The following ZCCHC7 variants were observed in gnomAD, a reference collection of about 807,000 sequenced individuals.
ZCCHC7 encodes the protein zinc finger CCHC domain-containing protein 7.
Under a neutral mutation model 52.0 loss-of-function variants are expected in ZCCHC7, and 35 were observed. That is an observed-to-expected ratio of 0.67 (90% CI 0.51 to 0.89). The LOEUF is 0.89. ZCCHC7 is among the 40% of genes least tolerant of loss of function. The pLI is 0.00. For missense variants in ZCCHC7, 574 were observed against 649.1 expected (o/e 0.88, Z 1.26); for synonymous variants, 217 against 221.5 (o/e 0.98, Z 0.18).
At chr9:37,258,301 A>C (rs979500840) in intron 2 of ZCCHC7, among the ~76,000 whole-genome samples, 3 of 152,156 alleles carry the variant, frequency 2.0e-5, no homozygotes, top group African/African-American at 7.2e-5. Context: ...TAAAGAGAAC[A>C]TGTGAGATAA....
At chr9:37,320,430 C>T (rs1830005065) in intron 5 of ZCCHC7, among the ~76,000 whole-genome samples, 1 of 152,130 alleles carries the variant, frequency 6.6e-6, no homozygotes, top group Admixed American at 6.5e-5. Flanking sequence ...TCCTTTCCCC[C>T]TTCATGTAAA....
chr9:37,329,068 A>G (rs2118203281), intron 6 of ZCCHC7, among the ~76,000 whole-genome samples: 1 of 152,042 alleles, frequency 6.6e-6, no homozygotes, highest in East Asian at 1.9e-4. Flanking sequence ...TGAAATCATT[A>G]CAGCCTAAAC....
At chr9:37,141,601 T>C (rs1394828218) in intron 2 of ZCCHC7, among the ~76,000 whole-genome samples, 1 of 151,946 alleles carries the variant, frequency 6.6e-6, no homozygotes, top group Non-Finnish European at 1.5e-5. Flanking sequence ...TATTTTATAG[T>C]GTAACCAAGT....
chr9:37,275,510 ATTG>A (rs1024148830), intron 2 of ZCCHC7, among the ~76,000 whole-genome samples: 1 of 151,998 alleles, frequency 6.6e-6, no homozygotes, highest in Non-Finnish European at 1.5e-5. Context: ...CATTTTGGCT[ATTG>A]TTAACCAGTG....
At chr9:37,174,381 G>A (rs976858646) in intron 2 of ZCCHC7, among the ~76,000 whole-genome samples, 30 of 152,108 alleles carry the variant, frequency 2.0e-4, no homozygotes, top group Non-Finnish European at 4.0e-4. Flanking sequence ...TATCAATACC[G>A]TGTGAGTGCA....
chr9:37,147,463 T>G (rs1208495577), intron 2 of ZCCHC7: 2 of 151,870 alleles, frequency 1.3e-5, no homozygotes, highest in Admixed American at 6.6e-5. Context: ...TATCTTATTA[T>G]TCCATAAAAT....
At chr9:37,303,479 C>T (rs1438902589) in intron 3 of ZCCHC7, among the ~76,000 whole-genome samples, 1 of 150,998 alleles carries the variant, frequency 6.6e-6, no homozygotes, top group Non-Finnish European at 1.5e-5. Context: ...TGACTGAATG[C>T]TACCGCGGTG....
intron 3 of ZCCHC7, 98 bp from the exon 4 acceptor site, chr9:37,304,090 A>G (rs1477777409): frequency 2.5e-6 from 3 of 1,190,402 alleles, no homozygotes; most frequent in South Asian, 3.0e-5. Flanking sequence ...AGCTTGATGT[A>G]TCTTTATTTG....
chr9:37,164,419 G>C (rs967748560), intron 2 of ZCCHC7, among the ~76,000 whole-genome samples: 1 of 151,298 alleles, frequency 6.6e-6, no homozygotes, highest in Non-Finnish European at 1.5e-5. Context: ...CACTCCAGCC[G>C]GGGTGACGGA....
chr9:37,325,182 C>T (rs531978124), intron 5 of ZCCHC7, among the ~76,000 whole-genome samples: 1 of 152,244 alleles, frequency 6.6e-6, no homozygotes, highest in African/African-American at 2.4e-5. Flanking sequence ...ACTAGTTGGG[C>T]AGAAGTTGGC....
intron 2 of ZCCHC7, among the ~76,000 whole-genome samples, chr9:37,231,597 C>G (rs1297300671): frequency 1.3e-5 from 2 of 152,052 alleles, no homozygotes; most frequent in Non-Finnish European, 2.9e-5. Flanking sequence ...TAATGAAAAC[C>G]AAACCTTTAT....
intron 2 of ZCCHC7, among the ~76,000 whole-genome samples, chr9:37,185,081 C>T (rs1307726543): frequency 1.3e-5 from 2 of 152,016 alleles, no homozygotes; most frequent in Admixed American, 6.6e-5. Context: ...ACCCGTACTT[C>T]GAAACTAAAC....
intron 5 of ZCCHC7, among the ~76,000 whole-genome samples, chr9:37,314,714 C>T (rs572956271): frequency 6.7e-6 from 1 of 148,472 alleles, no homozygotes; most frequent in East Asian, 2.0e-4. Flanking sequence ...GAGTTCAAGT[C>T]CAACCTGGGC....
intron 2 of ZCCHC7, among the ~76,000 whole-genome samples, chr9:37,300,503 A>G (rs926780440): frequency 6.6e-6 from 1 of 152,230 alleles, no homozygotes; most frequent in African/African-American, 2.4e-5. Flanking sequence ...TACAAAGAAA[A>G]TAATCATCAG....
intron 2 of ZCCHC7, among the ~76,000 whole-genome samples, chr9:37,135,562 T>C (rs1842963496): frequency 6.6e-6 from 1 of 152,222 alleles, no homozygotes; most frequent in Non-Finnish European, 1.5e-5. Context: ...TATGTGTAAT[T>C]TGGCACACAA....
intron 2 of ZCCHC7, among the ~76,000 whole-genome samples, chr9:37,162,782 A>G (rs1050903299): frequency 9.8e-5 from 15 of 152,344 alleles, no homozygotes; most frequent in African/African-American, 2.6e-4. Context: ...GAAGGAAACA[A>G]CAGTTCCAGG....
intron 2 of ZCCHC7, among the ~76,000 whole-genome samples, chr9:37,127,636 A>C (rs983842482): frequency 6.6e-6 from 1 of 152,196 alleles, no homozygotes; most frequent in Non-Finnish European, 1.5e-5. Context: ...CCTAATGCTC[A>C]GTCTCTTGCA....
At chr9:37,306,423 G>A (rs1015965746) in intron 5 of ZCCHC7, among the ~76,000 whole-genome samples, 3 of 151,566 alleles carry the variant, frequency 2.0e-5, no homozygotes, top group Admixed American at 2.0e-4. Flanking sequence ...ATATACAGAT[G>A]TTTAATGGAA....
At chr9:37,337,798 A>G (rs557472753) in intron 6 of ZCCHC7, among the ~76,000 whole-genome samples, 1 of 152,306 alleles carries the variant, frequency 6.6e-6, no homozygotes, top group African/African-American at 2.4e-5. Flanking sequence ...ACATTACTTC[A>G]GAAGAGCATT....
Sources: gnomAD v4.1 joint callset for allele counts (sites outside exome capture counted in the v4.1 genomes callset) on GRCh38, gnomAD v4.1.1 for gene constraint, MANE v1.5 for transcripts, NCBI Gene and HGNC (gene_info 2026-07-23, HGNC 2026-07-21) for gene names.